Variants in SH3PXD2A observed in about 807,000 individuals in gnomAD.
The protein encoded by SH3PXD2A is SH3 and PX domains 2A.
Under a neutral mutation model 115.2 loss-of-function variants are expected in SH3PXD2A, and 32 were observed. The ratio of observed to expected loss-of-function variants is 0.28; its 90% CI spans 0.21 to 0.37. The LOEUF (loss-of-function observed/expected upper bound fraction) is 0.37. Ranked by LOEUF, SH3PXD2A falls within the 10% of genes least tolerant of loss-of-function variation. The probability of loss-of-function intolerance (pLI) is 1.00; values close to 1 mark genes in which losing one functional copy is unlikely to be tolerated. For missense variants in SH3PXD2A, 1,328 were observed against 1,498.7 expected, an observed-to-expected ratio of 0.89 and a Z score of 1.88; for synonymous variants, 610 against 629.1, an observed-to-expected ratio of 0.97 and a Z score of 0.45.
chr10:103,602,645 T>C lies in SH3PXD2A; in HGVS notation c.2573A>G (p.Glu858Gly). 6.2e-7 allele frequency: 1 copy of C among 1,614,154 alleles called. No individual in the cohort carries two copies. The highest frequency in any genetic ancestry group is 1.3e-5 in the African/African-American group (1 of 75,024). Reference sequence around the variant, plus strand: ...CTCCACGCCCGCGGGGAAGCTGATCTCCGAGTCCTGGACCTTCTGGTAGGC... The same window carrying C: ...CTCCACGCCCGCGGGGAAGCTGATCCCCGAGTCCTGGACCTTCTGGTAGGC... The part of the protein sequence containing the change: ...CSAYQKVQDS[E>G]ISFPAGVEVQ... The change falls in exon 15 of 15, where the codon GAG (glutamate) becomes GGG (glycine). Residue 858 changes from glutamate to glycine, a missense_variant. Glu to Gly is a moderately conservative substitution (Grantham distance 98). Coordinates refer to ENST00000369774, the MANE Select transcript of SH3PXD2A (RefSeq NM_001394015.1).
At chr10:103,662,346 G>GA (rs1041084641) in intron 7 of SH3PXD2A, among the ~76,000 whole-genome samples, 2 of 91,050 alleles carry the variant, frequency 2.2e-5, no homozygotes, top group African/African-American at 1.1e-4. Flanking sequence ...ATTGGCGGGG[G>GA]GGGGGGCGGG....
rs1304127580 is a variant in SH3PXD2A at position 103,661,011 on chromosome 10, C to T, written c.576G>A (p.Val192=). ...NSELSLQAGE[V]VDVIEKNESG... is the part of the protein sequence containing the mutation. ...TCTCGTTCTTCTCGATGACATCCAC[C>T]ACCTCCCCGGCCTGGAGGCTCAGCT... is the stretch of plus-strand genomic sequence containing the variant. Residue 192 remains valine (V), a synonymous_variant, in exon 8 of 15, where the codon GTG becomes GTA. Transcript: ENST00000369774. 3.7e-6 allele frequency: 6 copies of T among 1,614,148 alleles called. No individual in the cohort carries two copies. The African/African-American group carries it at 5.3e-5, about 14-fold the overall frequency.
chr10:103,607,525 G>C (rs1451309875), intron 13 of SH3PXD2A, among the ~76,000 whole-genome samples: 1 of 150,902 alleles, frequency 6.6e-6, no homozygotes, highest in Non-Finnish European at 1.5e-5. Context: ...CCGGGAGGGA[G>C]GTGGGGGGGT....
Position 103,724,394 on chromosome 10 carries a change from G to A in SH3PXD2A, c.307-33C>T, listed in dbSNP as rs969826858. ...GAGACAGGAAGAAAGGGCATTAGGT[G>A]TGATGAACTTGGGAACAGGAAAACC... On this transcript the variant is annotated intron_variant, in intron 4 of 14. Coordinates refer to ENST00000369774, the MANE Select transcript of SH3PXD2A (RefSeq NM_001394015.1). 3.0e-6 allele frequency: 4 copies of A among 1,349,246 alleles called. No homozygotes were observed. In the African/African-American group the frequency reaches 4.5e-5, roughly 15 times the overall value. 83.6% of individuals were successfully genotyped at this position (1,349,246 alleles called of 1,614,324 possible). A position where few individuals can be genotyped will look rare whatever the true frequency, so the allele number is the denominator to read the frequency against.
At chr10:103,743,522 C>T (rs970064206) in intron 3 of SH3PXD2A, among the ~76,000 whole-genome samples, 1 of 152,144 alleles carries the variant, frequency 6.6e-6, no homozygotes, top group African/African-American at 2.4e-5. Flanking sequence ...TCCGAAGTAA[C>T]AGGTGCACAC....
At chr10:103,831,401 T>C (rs921059073) in intron 1 of SH3PXD2A, among the ~76,000 whole-genome samples, 1 of 152,236 alleles carries the variant, frequency 6.6e-6, no homozygotes, top group Non-Finnish European at 1.5e-5. Context: ...GGTAGAATTG[T>C]GCTTCCTCAA....
intron 11 of SH3PXD2A, among the ~76,000 whole-genome samples, chr10:103,615,890 T>C (rs2036511130): frequency 6.6e-6 from 1 of 152,072 alleles, no homozygotes; most frequent in Non-Finnish European, 1.5e-5. Context: ...CTAGTTTCCA[T>C]TGCTCAGAGA....
intron 1 of SH3PXD2A, among the ~76,000 whole-genome samples, chr10:103,835,140 A>G (rs1461171959): frequency 6.6e-6 from 1 of 152,180 alleles, no homozygotes; most frequent in Non-Finnish European, 1.5e-5. Flanking sequence ...TTGGAGTCAC[A>G]AGCTGGCTAG....
At chr10:103,664,585 C>T (rs1055341939) in intron 7 of SH3PXD2A, among the ~76,000 whole-genome samples, 13 of 152,158 alleles carry the variant, frequency 8.5e-5, no homozygotes, top group Admixed American at 5.9e-4. Context: ...GGCGCCTGGT[C>T]CCTAGGGAAG....
intron 6 of SH3PXD2A, among the ~76,000 whole-genome samples, chr10:103,691,950 A>G (rs959398470): frequency 6.6e-6 from 1 of 151,798 alleles, no homozygotes; most frequent in African/African-American, 2.4e-5. Flanking sequence ...AATTACATCT[A>G]CCCCACTCTA....
At chr10:103,841,822 C>A (rs2039601486) in intron 1 of SH3PXD2A, among the ~76,000 whole-genome samples, 1 of 152,148 alleles carries the variant, frequency 6.6e-6, no homozygotes, top group South Asian at 2.1e-4. Flanking sequence ...CTTGGCCACC[C>A]TCTATAAAAT....
chr10:103,749,762 C>T (rs1355583938), intron 3 of SH3PXD2A: 1 of 152,212 alleles, frequency 6.6e-6, no homozygotes, highest in Non-Finnish European at 1.5e-5. Flanking sequence ...TTGTAACTGC[C>T]TTCCTCATCT....
At chr10:103,847,318 T>A in intron 1 of SH3PXD2A, among the ~76,000 whole-genome samples, 1 of 143,508 alleles carries the variant, frequency 7.0e-6, no homozygotes, top group South Asian at 2.2e-4. Flanking sequence ...CTTTTTAGAA[T>A]TTTTTTTTTT....
chr10:103,790,535 C>T (rs1252862567), intron 2 of SH3PXD2A, among the ~76,000 whole-genome samples: 1 of 152,170 alleles, frequency 6.6e-6, no homozygotes, highest in Non-Finnish European at 1.5e-5. Context: ...TCTAGTCCTG[C>T]TGTCACTTGC....
At chr10:103,736,007 C>G (rs1454794696) in intron 3 of SH3PXD2A, among the ~76,000 whole-genome samples, 199 bp from the exon 4 acceptor site, 1 of 152,198 alleles carries the variant, frequency 6.6e-6, no homozygotes, top group Non-Finnish European at 1.5e-5. Flanking sequence ...CCCAGGACCT[C>G]TCTGGTGGGT....
chr10:103,719,705 C>CTTTTTTT (rs771190727), intron 5 of SH3PXD2A, among the ~76,000 whole-genome samples: 1 of 136,450 alleles, frequency 7.3e-6, no homozygotes, highest in Non-Finnish European at 1.6e-5. Flanking sequence ...ATTTCTTTTT[C>CTTTTTTT]TTTTTTTTTT....
At chr10:103,773,986 T>C (rs2038855440) in intron 2 of SH3PXD2A, among the ~76,000 whole-genome samples, 1 of 152,130 alleles carries the variant, frequency 6.6e-6, no homozygotes, top group Non-Finnish European at 1.5e-5. Context: ...CCTCCTGTCC[T>C]GGCCTCCCAA....
chr10:103,757,714 G>A (rs1247293308), intron 3 of SH3PXD2A, among the ~76,000 whole-genome samples: 1 of 152,228 alleles, frequency 6.6e-6, no homozygotes, highest in East Asian at 1.9e-4. Flanking sequence ...CTCGGAGTCT[G>A]GAAGGTAGTG....
intron 3 of SH3PXD2A, among the ~76,000 whole-genome samples, chr10:103,753,317 CAAAAAAAAAAAAAAA>C (rs60364879): frequency 1.8e-4 from 11 of 62,856 alleles, no homozygotes; most frequent in Non-Finnish European, 3.1e-4. Flanking sequence ...CTGCCTCTAC[CAAAAAAAAAAAAAAA>C]AAAAAAAAAA....
Sources: gnomAD v4.1 joint callset for allele counts (sites outside exome capture counted in the v4.1 genomes callset) on GRCh38, gnomAD v4.1.1 for gene constraint, MANE v1.5 for transcripts, NCBI Gene and HGNC (gene_info 2026-07-23, HGNC 2026-07-21) for gene names.